Variants in SGCZ observed in about 807,000 individuals in gnomAD.
The protein encoded by SGCZ is zeta-sarcoglycan.
Under a neutral mutation model 41.3 loss-of-function variants are expected in SGCZ, and 40 were observed. That is an observed-to-expected ratio of 0.97 (90% CI 0.75 to 1.26). The LOEUF (loss-of-function observed/expected upper bound fraction) is 1.26. SGCZ is among the 50% of genes most tolerant of loss of function. The pLI, the probability that SGCZ is intolerant of heterozygous loss-of-function variation, is 0.00. For synonymous variants in SGCZ, 206 were observed against 137.5 expected (o/e 1.50, Z -3.49); for missense variants, 552 against 369.8 (o/e 1.49, Z -4.04).
chr8:14,514,038 A>G (rs1802540537), intron 2 of SGCZ, among the ~76,000 whole-genome samples: 1 of 152,134 alleles, frequency 6.6e-6, no homozygotes, highest in South Asian at 2.1e-4. Flanking sequence ...TTTGATGAGC[A>G]TAATAAGAAC....
intron 2 of SGCZ, among the ~76,000 whole-genome samples, chr8:14,454,206 A>AAT (rs1800678462): frequency 6.6e-6 from 1 of 152,194 alleles, no homozygotes; most frequent in Non-Finnish European, 1.5e-5. Flanking sequence ...TATGTAGGTT[A>AAT]AGAAGGTTGA....
intron 1 of SGCZ, among the ~76,000 whole-genome samples, chr8:14,713,695 G>GGAA (rs1809595155): frequency 1.6e-5 from 2 of 127,878 alleles, no homozygotes; most frequent in Admixed American, 1.5e-4. Context: ...TGCCGCAAAA[G>GGAA]AAAAAAAAAA....
chr8:15,139,753 A>G (rs1808252833), intron 1 of SGCZ, among the ~76,000 whole-genome samples: 1 of 151,992 alleles, frequency 6.6e-6, no homozygotes, highest in Non-Finnish European at 1.5e-5. Flanking sequence ...TCAGGTCCTC[A>G]GACCTACACC....
intron 1 of SGCZ, among the ~76,000 whole-genome samples, chr8:14,808,487 C>G (rs1301396472): frequency 6.6e-6 from 1 of 152,250 alleles, no homozygotes; most frequent in East Asian, 1.9e-4. Flanking sequence ...AAAAAATGAT[C>G]ATCACTGGCC....
intron 2 of SGCZ, among the ~76,000 whole-genome samples, chr8:14,375,570 G>A (rs544483487): frequency 4.6e-5 from 7 of 152,020 alleles, no homozygotes; most frequent in Admixed American, 3.9e-4. Context: ...ATTAATAACA[G>A]AATTTTTAAA....
intron 1 of SGCZ, among the ~76,000 whole-genome samples, chr8:15,107,165 T>C (rs992247976): frequency 3.9e-5 from 6 of 152,174 alleles, no homozygotes; most frequent in African/African-American, 1.2e-4. Flanking sequence ...TCATTTTATG[T>C]CAAGTTTTAA....
chr8:14,551,392 G>A (rs1389275381), intron 2 of SGCZ, among the ~76,000 whole-genome samples: 2 of 113,580 alleles, frequency 1.8e-5, no homozygotes, highest in Non-Finnish European at 3.5e-5. Context: ...CATGGAAATG[G>A]GTTGTACTGA....
intron 1 of SGCZ, among the ~76,000 whole-genome samples, chr8:15,083,054 G>A (rs1032959292): frequency 1.3e-5 from 2 of 152,032 alleles, no homozygotes; most frequent in Non-Finnish European, 2.9e-5. Flanking sequence ...TATAGCTTAT[G>A]AACTAATAGT....
At chr8:14,450,639 G>C (rs1394097824) in intron 2 of SGCZ, among the ~76,000 whole-genome samples, 3 of 152,100 alleles carry the variant, frequency 2.0e-5, no homozygotes, top group Admixed American at 6.6e-5. Flanking sequence ...AAAGTATGAG[G>C]ATGTGTGCCA....
chr8:15,000,211 C>T (rs1254711426), intron 1 of SGCZ, among the ~76,000 whole-genome samples: 3 of 152,092 alleles, frequency 2.0e-5, no homozygotes, highest in South Asian at 2.1e-4. Context: ...CCAACCCTGC[C>T]CAGCACCTTG....
chr8:14,137,959 C>CCATCAGACTAA (rs1398884077), intron 5 of SGCZ, among the ~76,000 whole-genome samples: 5 of 152,088 alleles, frequency 3.3e-5, no homozygotes, highest in Non-Finnish European at 5.9e-5. Flanking sequence ...AAAGGGAAGC[C>CCATCAGACTAA]CATCAGACTA....
chr8:14,597,322 T>C (rs892377112), intron 1 of SGCZ, among the ~76,000 whole-genome samples: 8 of 152,194 alleles, frequency 5.3e-5, no homozygotes, highest in African/African-American at 1.9e-4. Context: ...CAAGGACTTT[T>C]AAGTTAGAAT....
chr8:14,585,878 C>T (rs535567381), intron 1 of SGCZ, among the ~76,000 whole-genome samples: 1 of 152,224 alleles, frequency 6.6e-6, no homozygotes, highest in East Asian at 1.9e-4. Flanking sequence ...AAATCACCTT[C>T]AGTAAATCAT....
chr8:14,159,835 A>C (rs9325688), intron 5 of SGCZ, among the ~76,000 whole-genome samples: 46,693 of 152,064 alleles, frequency 0.31, 7,645 homozygotes, highest in Middle Eastern at 0.46. Context: ...TTAATAGACA[A>C]GAACAAGGAT....
chr8:14,578,383 C>G (rs1389732857), intron 1 of SGCZ, among the ~76,000 whole-genome samples: 1 of 152,180 alleles, frequency 6.6e-6, no homozygotes, highest in African/African-American at 2.4e-5. Flanking sequence ...GCATGGGCTC[C>G]TCTCTTCCTC....
At chr8:14,867,323 G>A (rs992866666) in intron 1 of SGCZ, among the ~76,000 whole-genome samples, 6 of 152,088 alleles carry the variant, frequency 3.9e-5, no homozygotes, top group Non-Finnish European at 1.5e-5. Flanking sequence ...TGGTGTATAT[G>A]TACTATATTT....
intron 3 of SGCZ, among the ~76,000 whole-genome samples, chr8:14,312,290 T>C (rs79344103): frequency 2.0e-5 from 3 of 152,180 alleles, no homozygotes; most frequent in Non-Finnish European, 4.4e-5. Context: ...ACTGCTAATA[T>C]ATTTTTTGTG....
chr8:14,744,862 T>G, intron 1 of SGCZ, among the ~76,000 whole-genome samples: 1 of 152,108 alleles, frequency 6.6e-6, no homozygotes, highest in Non-Finnish European at 1.5e-5. Context: ...ACTATCGTCT[T>G]CTCTTCTCCA....
intron 1 of SGCZ, among the ~76,000 whole-genome samples, chr8:14,731,375 G>A (rs1346637808): frequency 6.6e-6 from 1 of 151,574 alleles, no homozygotes; most frequent in Non-Finnish European, 1.5e-5. Context: ...TCACACACTG[G>A]GGTCTGTCAG....
Sources: gnomAD v4.1 joint callset for allele counts (sites outside exome capture counted in the v4.1 genomes callset) on GRCh38, gnomAD v4.1.1 for gene constraint, MANE v1.5 for transcripts, NCBI Gene and HGNC (gene_info 2026-07-23, HGNC 2026-07-21) for gene names.